The following SPDEF variants were observed in gnomAD, a reference collection of about 807,000 sequenced individuals.
SPDEF encodes SAM pointed domain-containing Ets transcription factor.
In SPDEF, 12 loss-of-function variants were observed where a neutral mutation model predicts 36.0. The observed-to-expected ratio is 0.33, with a 90% confidence interval of 0.21 to 0.54. SPDEF has a LOEUF of 0.54. Ranked by LOEUF, SPDEF falls within the 20% of genes least tolerant of loss-of-function variation. SPDEF has a pLI of 0.93. For synonymous variants in SPDEF, 205 were observed against 193.0 expected (o/e 1.06, Z -0.51); for missense variants, 388 against 456.9 (o/e 0.85, Z 1.37).
intron 1 of SPDEF, among the ~76,000 whole-genome samples, chr6:34,545,553 G>A (rs957613807): frequency 2.0e-5 from 3 of 152,340 alleles, no homozygotes; most frequent in East Asian, 3.9e-4. Context: ...GGAGAGGTGC[G>A]CAAGCACTGA....
In SPDEF at chr6:34,539,089, C is replaced by G. The variant is rs189276197; in HGVS notation, c.829+161G>C. On this transcript the variant is annotated intron_variant, in intron 5 of 5. Transcript: ENST00000374037. The surrounding 1 kb of genome is among the most constrained non-coding windows in gnomAD (Gnocchi z 5.2). ...GTGGACACAGATTGCACACAGACCC[C>G]AGGGCTGTCCCATGAGAGCTGCATA... 1.3e-3 allele frequency among the ~76,000 whole-genome samples: 193 copies of G among 152,296 alleles called. No homozygotes were observed. Among genetic ancestry groups the G allele is most frequent in the African/African-American group, 4.3e-3 (177 of 41,546 alleles).
intron 3 of SPDEF, among the ~76,000 whole-genome samples, chr6:34,540,318 T>G (rs979653550): frequency 8.6e-5 from 13 of 150,956 alleles, no homozygotes; most frequent in African/African-American, 2.9e-4. Flanking sequence ...AAAACTAAAA[T>G]TAAAACAGGG....
chr6:34,539,610 G>T lies in SPDEF; in HGVS notation c.635-48C>A. On this transcript the variant is annotated intron_variant, in intron 3 of 5. Transcript: ENST00000374037. The surrounding 1 kb of genome is among the most constrained non-coding windows in gnomAD (Gnocchi z 5.2). ...TGGGGACCCAGGAGAGGCCCCGAGGGTGGAGGAGGGGAGGCGTTTGGGTGG... is the reference window on the plus strand; with the variant it reads ...TGGGGACCCAGGAGAGGCCCCGAGGTTGGAGGAGGGGAGGCGTTTGGGTGG... The T allele has an allele frequency of 1.3e-6, 2 of 1,547,888 alleles. No homozygotes were observed. Among genetic ancestry groups the T allele is most frequent in the Non-Finnish European group, 1.7e-6 (2 of 1,145,574 alleles).
rs755969358 is a variant in SPDEF, at chr6:34,539,281, G to C, written c.798C>G (p.Gly266=). 3.7e-6 allele frequency: 6 copies of C among 1,613,800 alleles called. No homozygotes were observed. The highest frequency in any genetic ancestry group is 1.7e-5 in the Admixed American group (1 of 59,996). ...CCTTGTTGAGCCACCTAATGAAGCGGCCATAGCTGTGGGGCTTGAGTAGCA... is the reference window on the plus strand; with the variant it reads ...CCTTGTTGAGCCACCTAATGAAGCGCCCATAGCTGTGGGGCTTGAGTAGCA... ...KELLLKPHSY[G]RFIRWLNKEK... Residue 266 remains glycine, a synonymous_variant, in exon 5 of 6, where the codon GGC becomes GGG. Coordinates refer to ENST00000374037, the MANE Select transcript of SPDEF (RefSeq NM_012391.3). The surrounding 1 kb of genome is among the most constrained non-coding windows in gnomAD (Gnocchi z 5.2).
chr6:34,538,326 C>T lies in SPDEF; in HGVS notation c.956G>A (p.Arg319Gln), dbSNP rs777562610. The T allele has an allele frequency of 8.7e-6, 14 of 1,614,014 alleles. No homozygotes were observed. Among genetic ancestry groups the T allele is most frequent in the African/African-American group, 2.7e-5 (2 of 74,938 alleles). The change falls in exon 6 of 6, where the codon CGG becomes CAG. Residue 319 changes from arginine (R) to glutamine (Q), a missense_variant. Arg to Gln is a conservative substitution (Grantham distance 43, BLOSUM62 1). Transcript: ENST00000374037. This position sits in a 1 kb window ranked among gnomAD's most constrained non-coding sequence, Gnocchi z 5.9. ...GAGGCGCTGGGAGATGTCTGGCTTCCGGATGATGCCCTTCTTGTAATACTG... is the reference window on the plus strand; with the variant it reads ...GAGGCGCTGGGAGATGTCTGGCTTCTGGATGATGCCCTTCTTGTAATACTG... ...IRQYYKKGII[R>Q]KPDISQRLVY...
intron 1 of SPDEF, among the ~76,000 whole-genome samples, chr6:34,546,567 C>A (rs1443009734): frequency 6.6e-6 from 1 of 152,160 alleles, no homozygotes; most frequent in Admixed American, 6.5e-5. Context: ...CATCCCTTCC[C>A]CCTGGATAGC....
In SPDEF at chr6:34,544,931, G is replaced by A. The variant is rs1473776749; in HGVS notation, c.-29-447C>T. 6.6e-6 allele frequency among the ~76,000 whole-genome samples: 1 copy of A among 152,190 alleles called. No individual in the cohort carries two copies. The highest frequency in any genetic ancestry group is 2.4e-5 in the African/African-American group (1 of 41,452). On this transcript the variant is annotated intron_variant, in intron 1 of 5. Coordinates refer to ENST00000374037, the MANE Select transcript of SPDEF (RefSeq NM_012391.3). This position sits in a 1 kb window ranked among gnomAD's most constrained non-coding sequence, Gnocchi z 4.4. Reference sequence around the variant, plus strand: ...CTTGTTTTTCTTCTGCCTTTGACAAGGATAGGAGTGGAAGTGGCAGGCAGA... The same window carrying A: ...CTTGTTTTTCTTCTGCCTTTGACAAAGATAGGAGTGGAAGTGGCAGGCAGA...
At chr6:34,542,072 G>A (rs778894355) in intron 2 of SPDEF, among the ~76,000 whole-genome samples, 3 of 152,212 alleles carry the variant, frequency 2.0e-5, no homozygotes, top group Non-Finnish European at 2.9e-5. Flanking sequence ...CCCTAGCCCT[G>A]TGGGTGGGGA....
Position 34,539,151 on chromosome 6 carries a change from C to G in SPDEF, c.829+99G>C. 1 of 1,410,534 alleles carries G rather than the reference C, an allele frequency of 7.1e-7. No individual in the cohort carries two copies. The highest frequency in any genetic ancestry group is 9.7e-7 in the Non-Finnish European group (1 of 1,027,694). 87.4% of individuals were successfully genotyped at this position (1,410,534 alleles called of 1,614,324 possible). A position where few individuals can be genotyped will look rare whatever the true frequency, so the allele number is the denominator to read the frequency against. On this transcript the variant is annotated intron_variant, in intron 5 of 5. Transcript: ENST00000374037. This position sits in a 1 kb window ranked among gnomAD's most constrained non-coding sequence, Gnocchi z 5.2. ...GGACAAAGGTGGGGATCAGCTTCACCCCTCTGCCCGCCCCTGCCCCCATGC... is the reference window on the plus strand; with the variant it reads ...GGACAAAGGTGGGGATCAGCTTCACGCCTCTGCCCGCCCCTGCCCCCATGC...
At chr6:34,547,081 G>A (rs999630402) in intron 1 of SPDEF, among the ~76,000 whole-genome samples, 5 of 144,798 alleles carry the variant, frequency 3.5e-5, no homozygotes, top group East Asian at 4.4e-4. Flanking sequence ...TGCCTGCCAC[G>A]TTAGGACAGT....
At chr6:34,540,895 C>T in intron 3 of SPDEF, 89 bp downstream of exon 3, 1 of 1,237,516 alleles carries the variant, frequency 8.1e-7, no homozygotes, top group East Asian at 2.5e-5. Flanking sequence ...CAAGGGGCTG[C>T]TGCCCTAGCA....
In SPDEF at chr6:34,544,046, G is replaced by C; in HGVS notation, c.410C>G (p.Ala137Gly). 1.9e-6 allele frequency: 3 copies of C among 1,611,882 alleles called. No individual in the cohort carries two copies. Among genetic ancestry groups the C allele is most frequent in the Non-Finnish European group, 2.5e-6 (3 of 1,179,312 alleles). The change falls in exon 2 of 6, where the codon GCC (alanine) becomes GGC (glycine). Residue 137 changes from alanine to glycine, a missense_variant. Coordinates refer to ENST00000374037, the MANE Select transcript of SPDEF (RefSeq NM_012391.3). This position sits in a 1 kb window ranked among gnomAD's most constrained non-coding sequence, Gnocchi z 4.4. ...VGEVLKDIET[A>G]CKLLNITADP... ...TGCGGTGATGTTGAGCAGCTTGCAG[G>C]CCGTCTCGATGTCCTTGAGCACTTC... is the stretch of plus-strand genomic sequence containing the variant.
intron 1 of SPDEF, among the ~76,000 whole-genome samples, chr6:34,548,822 G>A (rs1241454233): frequency 6.6e-6 from 1 of 152,078 alleles, no homozygotes; most frequent in South Asian, 2.1e-4. Context: ...GACTTCCTAG[G>A]CTCGCCTCAT....
rs946776829 is a variant in SPDEF, at chr6:34,552,964, G to A, written c.-30+2965C>T. ...GCTACCCCAGGAGCAGAGAGGCCTG[G>A]GCCTTGCCCCGCAACCAGTCTCAGG... is the stretch of plus-strand genomic sequence containing the variant. On this transcript the variant is annotated intron_variant, in intron 1 of 5. Transcript: ENST00000374037. The surrounding 1 kb of genome is among the most constrained non-coding windows in gnomAD (Gnocchi z 4.6). Among the ~76,000 whole-genome samples, 31 of 152,268 alleles carry A rather than the reference G, an allele frequency of 2.0e-4. No individual in the cohort carries two copies. Among genetic ancestry groups the A allele is most frequent in the African/African-American group, 7.0e-4 (29 of 41,558 alleles).
At position 34,555,174 on chromosome 6, in the gene SPDEF, C is replaced by A. The variant is rs1768140914; in HGVS notation, c.-30+755G>T. Among the ~76,000 whole-genome samples, 1 of 151,362 alleles carries A rather than the reference C, an allele frequency of 6.6e-6. No individual in the cohort carries two copies. Among genetic ancestry groups the A allele is most frequent in the South Asian group, 2.1e-4 (1 of 4,812 alleles). On this transcript the variant is annotated intron_variant, in intron 1 of 5. Coordinates refer to ENST00000374037, the MANE Select transcript of SPDEF (RefSeq NM_012391.3). This position sits in a 1 kb window ranked among gnomAD's most constrained non-coding sequence, Gnocchi z 5.2. ...CACCAGCCTCAGGGGCACCCAGTCG[C>A]CCAGGCCCTTCAGCTTCCCACCCTG...
intron 1 of SPDEF, among the ~76,000 whole-genome samples, chr6:34,545,995 C>G (rs111478547): frequency 8.5e-5 from 13 of 152,216 alleles, no homozygotes; most frequent in African/African-American, 3.1e-4. Context: ...ATATACGCTC[C>G]TAATAATACA....
At chr6:34,550,325 C>T (rs904587039) in intron 1 of SPDEF, among the ~76,000 whole-genome samples, 1 of 152,188 alleles carries the variant, frequency 6.6e-6, no homozygotes, top group Non-Finnish European at 1.5e-5. Context: ...CCCTTCCTTA[C>T]GGCCCTCCAT....
chr6:34,541,533 A>G (rs1561977147), intron 2 of SPDEF, among the ~76,000 whole-genome samples: 1 of 152,164 alleles, frequency 6.6e-6, no homozygotes, highest in African/African-American at 2.4e-5. Flanking sequence ...TCTACCAGAA[A>G]CACCTGGGCT....
chr6:34,548,368 C>T (rs553766623), intron 1 of SPDEF, among the ~76,000 whole-genome samples: 2 of 152,254 alleles, frequency 1.3e-5, no homozygotes, highest in Admixed American at 1.3e-4. Context: ...TAAAGTCTGT[C>T]CCCACCTCTT....
Sources: gnomAD v4.1 joint callset for allele counts (sites outside exome capture counted in the v4.1 genomes callset) on GRCh38, gnomAD v4.1.1 for gene constraint, Gnocchi (gnomAD v3.1) non-coding constraint, MANE v1.5 for transcripts, NCBI Gene and HGNC (gene_info 2026-07-23, HGNC 2026-07-21) for gene names.